ADGRD1: variants seen among roughly 807,000 people sequenced by gnomAD.
ADGRD1 encodes the protein G-protein coupled receptor 133.
ADGRD1 carries 77 observed loss-of-function variants against 113.4 expected under a neutral mutation model. That is an observed-to-expected ratio of 0.68 (90% confidence interval 0.57 to 0.82). The LOEUF (loss-of-function observed/expected upper bound fraction) is 0.82, where lower values mean the gene tolerates loss of function less well. Ranked by LOEUF, ADGRD1 falls within the 40% of genes least tolerant of loss-of-function variation. The pLI is 0.00. For missense variants in ADGRD1, 1,036 were observed against 1,139.1 expected (o/e 0.91, Z 1.30); for synonymous variants, 474 against 475.0 (o/e 1.00, Z 0.03).
chr12:130,964,475 C>CA (rs1870778235), intron 2 of ADGRD1, among the ~76,000 whole-genome samples: 1 of 152,124 alleles, frequency 6.6e-6, no homozygotes, highest in African/African-American at 2.4e-5. Flanking sequence ...CACCTGAGGT[C>CA]AGGAGTTCGA....
At chr12:131,080,629 T>A (rs1480463659) in intron 14 of ADGRD1, among the ~76,000 whole-genome samples, 2 of 152,216 alleles carry the variant, frequency 1.3e-5, no homozygotes, top group Non-Finnish European at 2.9e-5. Flanking sequence ...TTCTTTTTTT[T>A]ATGTTTTTTG....
chr12:131,013,671 G>GGCAGGT (rs1189960779), intron 12 of ADGRD1, among the ~76,000 whole-genome samples: 1 of 152,196 alleles, frequency 6.6e-6, no homozygotes. Context: ...TAGAGGGGAA[G>GGCAGGT]GCAGGTGCTT....
chr12:131,089,900 C>G (rs1239643122), intron 15 of ADGRD1, among the ~76,000 whole-genome samples: 1 of 152,256 alleles, frequency 6.6e-6, no homozygotes, highest in Non-Finnish European at 1.5e-5. Flanking sequence ...GGAGCAGAGC[C>G]TCCTCCTCTG....
chr12:130,956,040 C>T (rs1274446880), intron 2 of ADGRD1, among the ~76,000 whole-genome samples: 2 of 152,220 alleles, frequency 1.3e-5, no homozygotes, highest in African/African-American at 4.8e-5. Context: ...CCAACCACCT[C>T]GGCCTCCCAA....
intron 12 of ADGRD1, among the ~76,000 whole-genome samples, chr12:131,011,819 C>G (rs577368587): frequency 9.1e-4 from 139 of 152,324 alleles, no homozygotes; most frequent in African/African-American, 3.1e-3. Context: ...CCACGAGCAT[C>G]GGGGCACTGG....
Position 131,125,680 on chromosome 12 carries a change from A to G in ADGRD1, c.2175+4767A>G, listed in dbSNP as rs75751375. 6.8e-3 allele frequency among the ~76,000 whole-genome samples: 1,038 copies of G among 152,368 alleles called. 8 individuals are homozygous for G. Among genetic ancestry groups the G allele is most frequent in the African/African-American group, 0.024 (984 of 41,586 alleles). ...CATAAATATAGATACAGATATATACAGATGCTCCTGAACTTACAATGGGAT... is the reference window on the plus strand; with the variant it reads ...CATAAATATAGATACAGATATATACGGATGCTCCTGAACTTACAATGGGAT... On this transcript the variant is annotated intron_variant, in intron 20 of 24. Transcript: ENST00000261654.
intron 20 of ADGRD1, among the ~76,000 whole-genome samples, chr12:131,126,926 G>A (rs1950749351): frequency 6.6e-6 from 1 of 152,156 alleles, no homozygotes; most frequent in African/African-American, 2.4e-5. Flanking sequence ...GGGGGGCCAG[G>A]CCTGATTCTG....
chr12:131,014,566 G>T (rs1278311033), intron 13 of ADGRD1, among the ~76,000 whole-genome samples: 1 of 152,190 alleles, frequency 6.6e-6, no homozygotes, highest in Non-Finnish European at 1.5e-5. Flanking sequence ...TCGATGTTGG[G>T]GAAGAGGCGT....
chr12:130,994,898 A>G (rs4759820), intron 8 of ADGRD1, among the ~76,000 whole-genome samples: 73,233 of 152,006 alleles, frequency 0.48, 18,217 homozygotes, highest in African/African-American at 0.57. Context: ...TGCCTGTGGG[A>G]TGCTGGTCCT....
chr12:131,015,563 GATGGAGATGGGA>G (rs1336856068), intron 13 of ADGRD1, among the ~76,000 whole-genome samples: 3 of 151,966 alleles, frequency 2.0e-5, no homozygotes, highest in Admixed American at 2.0e-4. Context: ...TGGAGATGGA[GATGGAGATGGGA>G]ATGGAGATGG....
chr12:131,041,710 A>C lies in ADGRD1; in HGVS notation c.1473+27370A>C, dbSNP rs1882150348. On this transcript the variant is annotated intron_variant, in intron 13 of 24. Transcript: ENST00000261654. This position sits in a 1 kb window ranked among gnomAD's most constrained non-coding sequence, Gnocchi z 4.4. ...TGGACATGTCATGCATGAATCAGGG[A>C]GCAGTTCCCGGGGAACACACTGCAC... Among the ~76,000 whole-genome samples, 1 of 152,152 alleles carries C rather than the reference A, an allele frequency of 6.6e-6. No homozygotes were observed. The highest frequency in any genetic ancestry group is 2.4e-5 in the African/African-American group (1 of 41,428).
chr12:130,961,330 A>G (rs1055927671), intron 2 of ADGRD1, among the ~76,000 whole-genome samples: 5 of 152,208 alleles, frequency 3.3e-5, no homozygotes, highest in Admixed American at 2.6e-4. Context: ...AACATTACAT[A>G]TGGATGATAA....
intron 13 of ADGRD1, among the ~76,000 whole-genome samples, chr12:131,039,945 C>T (rs900232542): frequency 2.6e-5 from 4 of 152,224 alleles, no homozygotes; most frequent in Non-Finnish European, 4.4e-5. Flanking sequence ...TCCCTGAGGC[C>T]GGCGCAGATA....
chr12:131,099,719 T>C (rs1018718629), intron 15 of ADGRD1, among the ~76,000 whole-genome samples: 1 of 152,242 alleles, frequency 6.6e-6, no homozygotes, highest in Non-Finnish European at 1.5e-5. Flanking sequence ...TTTTTACCTA[T>C]GGGCTCACCT....
At chr12:130,975,919 C>T (rs1033688353) in intron 4 of ADGRD1, among the ~76,000 whole-genome samples, 16 of 152,194 alleles carry the variant, frequency 1.1e-4, no homozygotes, top group Admixed American at 3.3e-4. Flanking sequence ...GCAGCCTCCC[C>T]GATTAGCCCC....
At chr12:130,997,537 G>A (rs950398829) in intron 8 of ADGRD1, among the ~76,000 whole-genome samples, 4 of 151,946 alleles carry the variant, frequency 2.6e-5, no homozygotes, top group African/African-American at 7.2e-5. Context: ...GGTCACAGCC[G>A]AGCAGAGGCG....
intron 2 of ADGRD1, chr12:130,957,217 C>T (rs887144623): frequency 6.6e-6 from 1 of 152,422 alleles, no homozygotes; most frequent in Non-Finnish European, 1.5e-5. Flanking sequence ...CACATATCCA[C>T]GTGTCTACAC....
At chr12:131,033,544 C>T (rs1881043597) in intron 13 of ADGRD1, among the ~76,000 whole-genome samples, 1 of 152,236 alleles carries the variant, frequency 6.6e-6, no homozygotes, top group Non-Finnish European at 1.5e-5. Flanking sequence ...CTGGGTTGCG[C>T]AGGTGTGCAG....
At chr12:131,133,081 G>C in intron 21 of ADGRD1, among the ~76,000 whole-genome samples, 1 of 152,158 alleles carries the variant, frequency 6.6e-6, no homozygotes, top group Non-Finnish European at 1.5e-5. Context: ...TGGGGTCAGA[G>C]ATCACGTCCT....
Sources: allele counts gnomAD v4.1 joint callset (sites outside exome capture counted in the v4.1 genomes callset), GRCh38; gene constraint gnomAD v4.1.1; non-coding constraint Gnocchi (gnomAD v3.1); transcripts MANE v1.5; gene names NCBI Gene and HGNC (gene_info 2026-07-23, HGNC 2026-07-21).